The following PDE3B variants were observed in gnomAD, a reference collection of about 807,000 sequenced individuals.
PDE3B encodes the protein phosphodiesterase 3B, also known as cGMP-inhibited 3',5'-cyclic phosphodiesterase 3B.
In PDE3B, 66 loss-of-function variants were observed where a neutral mutation model predicts 116.8. That is an observed-to-expected ratio of 0.56 (90% CI 0.46 to 0.69). The LOEUF is 0.69. Ranked by LOEUF, PDE3B falls within the 30% of genes least tolerant of loss-of-function variation. The pLI, the probability that PDE3B is intolerant of heterozygous loss-of-function variation, is 0.00. For synonymous variants in PDE3B, 595 were observed against 533.6 expected, an observed-to-expected ratio of 1.12 and a Z score of -1.59; for missense variants, 1,384 against 1,368.1, an observed-to-expected ratio of 1.01 and a Z score of -0.18.
At chr11:14,756,288 A>T (rs1857178658) in intron 1 of PDE3B, among the ~76,000 whole-genome samples, 1 of 152,210 alleles carries the variant, frequency 6.6e-6, no homozygotes, top group African/African-American at 2.4e-5. Flanking sequence ...CAGCAAGAAT[A>T]ATACACTCCA....
downstream of PDE3B, among the ~76,000 whole-genome samples, chr11:14,876,670 C>T (rs558966213): frequency 3.9e-5 from 6 of 152,264 alleles, no homozygotes; most frequent in African/African-American, 1.4e-4. Flanking sequence ...AAAATTCCCT[C>T]GCTCTCCCAG....
intron 1 of PDE3B, among the ~76,000 whole-genome samples, chr11:14,754,480 C>T (rs186446240): frequency 1.4e-3 from 212 of 151,842 alleles, no homozygotes; most frequent in African/African-American, 4.5e-3. Flanking sequence ...ATGTTATAAA[C>T]GACATTACTT....
At chr11:14,824,312 A>T (rs148362965) in intron 7 of PDE3B, among the ~76,000 whole-genome samples, 1,910 of 152,352 alleles carry the variant, frequency 0.013, 37 homozygotes, top group African/African-American at 0.043. Flanking sequence ...AATGACAGAA[A>T]TAGAATTCAG....
intron 1 of PDE3B, among the ~76,000 whole-genome samples, chr11:14,711,118 G>A (rs1046637286): frequency 1.3e-5 from 2 of 152,072 alleles, no homozygotes; most frequent in African/African-American, 2.4e-5. Flanking sequence ...TAGGGATACC[G>A]TATTGCAAGT....
At chr11:14,789,525 G>A (rs1858319315) in intron 4 of PDE3B, among the ~76,000 whole-genome samples, 1 of 152,000 alleles carries the variant, frequency 6.6e-6, no homozygotes, top group African/African-American at 2.4e-5. Context: ...ACTGGATGCT[G>A]GGGAAGTTTT....
intron 12 of PDE3B, among the ~76,000 whole-genome samples, chr11:14,849,142 T>C (rs963307591): frequency 6.6e-6 from 1 of 152,070 alleles, no homozygotes; most frequent in Non-Finnish European, 1.5e-5. Context: ...AACAGAGATA[T>C]AGATCAATGG....
At chr11:14,664,791 A>G (rs1301063023) in intron 1 of PDE3B, among the ~76,000 whole-genome samples, 4 of 152,178 alleles carry the variant, frequency 2.6e-5, no homozygotes, top group Admixed American at 2.0e-4. Flanking sequence ...TACCAACCAA[A>G]AAGAGTCCAG....
intron 1 of PDE3B, among the ~76,000 whole-genome samples, chr11:14,741,918 C>T (rs1016486778): frequency 1.3e-5 from 2 of 152,018 alleles, no homozygotes; most frequent in Non-Finnish European, 2.9e-5. Flanking sequence ...AATATTGGCC[C>T]CTACTTTCTT....
chr11:14,745,004 T>G (rs1209429742), intron 1 of PDE3B, among the ~76,000 whole-genome samples: 1 of 152,188 alleles, frequency 6.6e-6, no homozygotes, highest in Non-Finnish European at 1.5e-5. Context: ...TGTTTTTATT[T>G]TATAGAGACA....
At chr11:14,869,405 T>C in intron 15 of PDE3B, 56 bp from the exon 16 acceptor site, 1 of 1,466,278 alleles carries the variant, frequency 6.8e-7, no homozygotes, top group Non-Finnish European at 9.4e-7. Context: ...TTAATATTTG[T>C]TGAATGATTA....
At chr11:14,881,639 AG>A in the PDE3B span, among the ~76,000 whole-genome samples, 1 of 152,070 alleles carries the variant, frequency 6.6e-6, no homozygotes, top group Non-Finnish European at 1.5e-5. Context: ...CTTGGTGATA[AG>A]TGAGTTCTCG....
chr11:14,861,403 G>A (rs1359236939), intron 14 of PDE3B, 37 bp downstream of exon 14: 20 of 1,590,456 alleles, frequency 1.3e-5, no homozygotes, highest in Non-Finnish European at 1.6e-5. Flanking sequence ...ATTTTTAAGA[G>A]CTGTCATGAG....
chr11:14,835,221 G>C (rs190941939), intron 11 of PDE3B, 126 bp downstream of exon 11: 1 of 567,834 alleles, frequency 1.8e-6, no homozygotes, highest in African/African-American at 1.9e-5. Context: ...GAAGGACTGT[G>C]TACGTTTTTT....
At chr11:14,681,290 G>C (rs1854698170) in intron 1 of PDE3B, among the ~76,000 whole-genome samples, 1 of 152,160 alleles carries the variant, frequency 6.6e-6, no homozygotes, top group Admixed American at 6.5e-5. Context: ...CGGTTTGGCT[G>C]TGTTCCCACC....
Position 14,806,189 on chromosome 11 carries a change from A to G in PDE3B, c.1522+2139A>G, listed in dbSNP as rs185613820. On this transcript the variant is annotated intron_variant, in intron 5 of 15. Transcript: ENST00000282096. ...ATCATGTGGCTGGGCGTGGTGGTGC[A>G]CGCCTGTAATCCCAGCACTTTGGGA... 2.3e-3 allele frequency among the ~76,000 whole-genome samples: 353 copies of G among 152,030 alleles called. 1 individual carries two copies. The highest frequency in any genetic ancestry group is 3.4e-3 in the Non-Finnish European group (232 of 67,962).
At position 14,847,166 on chromosome 11, in the gene PDE3B, G is replaced by A. The variant is rs562357947; in HGVS notation, c.2520+3140G>A. ...TCTCAGACCACAGTGCAATCAAACT[G>A]GAACTCAGGATTAAGACACTCACTC... On this transcript the variant is annotated intron_variant, in intron 12 of 15. Coordinates refer to ENST00000282096, the MANE Select transcript of PDE3B (RefSeq NM_000922.4). Among the ~76,000 whole-genome samples the A allele has an allele frequency of 5.1e-3, 777 of 152,138 alleles. 9 individuals carry two copies. Among genetic ancestry groups the A allele is most frequent in the African/African-American group, 0.018 (748 of 41,480 alleles).
chr11:14,702,486 A>G (rs1376663439), intron 1 of PDE3B, among the ~76,000 whole-genome samples: 3 of 151,838 alleles, frequency 2.0e-5, no homozygotes, highest in African/African-American at 4.8e-5. Flanking sequence ...GAGAATAAGG[A>G]GGTGAGACAG....
At chr11:14,828,084 C>A (rs1429667738) in intron 7 of PDE3B, among the ~76,000 whole-genome samples, 4 of 152,218 alleles carry the variant, frequency 2.6e-5, no homozygotes, top group Non-Finnish European at 5.9e-5. Context: ...ACTCCCTATT[C>A]AATAAATGGT....
At chr11:14,819,449 T>C (rs1167759220) in intron 7 of PDE3B, among the ~76,000 whole-genome samples, 1 of 152,208 alleles carries the variant, frequency 6.6e-6, no homozygotes, top group Non-Finnish European at 1.5e-5. Context: ...GTTATGTCTA[T>C]TGTTTATAAA....
Sources: allele counts gnomAD v4.1 joint callset (sites outside exome capture counted in the v4.1 genomes callset), GRCh38; gene constraint gnomAD v4.1.1; transcripts MANE v1.5; gene names NCBI Gene and HGNC (gene_info 2026-07-23, HGNC 2026-07-21).